SLC25A26: variants seen among roughly 807,000 people sequenced by gnomAD.
SLC25A26 encodes solute carrier family 25 member 26, also known as mitochondrial S-adenosylmethionine carrier protein.
SLC25A26 carries 36 observed loss-of-function variants against 37.8 expected under a neutral mutation model. The ratio of observed to expected loss-of-function variants is 0.95; its 90% CI spans 0.73 to 1.26. The LOEUF (loss-of-function observed/expected upper bound fraction) is 1.26. SLC25A26 is among the 50% of genes most tolerant of loss of function. SLC25A26 has a pLI of 0.00. For missense variants in SLC25A26, 390 were observed against 331.1 expected, an observed-to-expected ratio of 1.18 and a Z score of -1.38; for synonymous variants, 129 against 122.5, an observed-to-expected ratio of 1.05 and a Z score of -0.35.
chr3:66,190,366 G>A (rs2070915845), intron 1 of SLC25A26, among the ~76,000 whole-genome samples: 1 of 151,970 alleles, frequency 6.6e-6, no homozygotes, highest in African/African-American at 2.4e-5. Flanking sequence ...AGAAAAATGT[G>A]TAGTTCTTAT....
At chr3:66,206,705 CT>C (rs1315135962) in intron 1 of SLC25A26, among the ~76,000 whole-genome samples, 10,866 of 132,768 alleles carry the variant, frequency 0.082, 511 homozygotes, top group Non-Finnish European at 0.12. Flanking sequence ...CTTACAGGTT[CT>C]TTTTTTTTTT....
intron 5 of SLC25A26, among the ~76,000 whole-genome samples, chr3:66,300,251 G>GTTTTTTTTTTTTTTTTTTTTT: frequency 9.0e-6 from 1 of 111,616 alleles, no homozygotes; most frequent in Non-Finnish European, 1.9e-5. Context: ...GGGTTTTTTT[G>GTTTTTTTTTTTTTTTTTTTTT]TTTTGTTTTT....
In SLC25A26 at chr3:66,158,967, G is replaced by A. The variant is rs565110484; in HGVS notation, c.-354+24983G>A. 1.6e-4 allele frequency among the ~76,000 whole-genome samples: 24 copies of A among 152,184 alleles called. No homozygotes were observed. In the East Asian group the frequency reaches 4.7e-3, roughly 30 times the overall value. ...CCCCATACTGTGGGACAGCATGCAG[G>A]GGGAGGTGCTGAGGGACATCAGCAC... is the stretch of plus-strand genomic sequence containing the variant. On this transcript the variant is annotated intron_variant, in intron 1 of 10. Transcript: ENST00000676754.
intron 1 of SLC25A26, among the ~76,000 whole-genome samples, chr3:66,147,904 G>A (rs546437415): frequency 8.5e-5 from 13 of 152,194 alleles, no homozygotes; most frequent in East Asian, 1.9e-4. Flanking sequence ...GATTACAGGC[G>A]TGTACCACCA....
At chr3:66,208,736 T>TTATATGGGTATATATATATACACATG in intron 1 of SLC25A26, among the ~76,000 whole-genome samples, 1 of 143,916 alleles carries the variant, frequency 6.9e-6, no homozygotes, top group Non-Finnish European at 1.5e-5. Context: ...ATATACACAT[T>TTATATGGGTATATATATATACACATG]TATATGGGTG....
At chr3:66,353,706 G>C (rs924406312) in intron 6 of SLC25A26, among the ~76,000 whole-genome samples, 1 of 152,206 alleles carries the variant, frequency 6.6e-6, no homozygotes, top group Non-Finnish European at 1.5e-5. Flanking sequence ...CCCAGTATCC[G>C]TTGAATCTGC....
At chr3:66,327,081 C>G (rs1313523526) in intron 5 of SLC25A26, among the ~76,000 whole-genome samples, 2 of 152,182 alleles carry the variant, frequency 1.3e-5, no homozygotes, top group Non-Finnish European at 2.9e-5. Flanking sequence ...AATAGAATGA[C>G]TTCTGCTCTT....
At chr3:66,166,841 A>G (rs2106722992) in intron 1 of SLC25A26, among the ~76,000 whole-genome samples, 1 of 152,282 alleles carries the variant, frequency 6.6e-6, no homozygotes, top group East Asian at 1.9e-4. Context: ...CCCAAAACTC[A>G]TCTTGAATGG....
intron 1 of SLC25A26, among the ~76,000 whole-genome samples, chr3:66,208,054 T>C (rs2071203833): frequency 2.0e-5 from 3 of 152,208 alleles, no homozygotes; most frequent in Non-Finnish European, 1.5e-5. Flanking sequence ...CTTTATATAG[T>C]TAAATTGCTA....
chr3:66,143,164 TA>T (rs538090656), intron 1 of SLC25A26, among the ~76,000 whole-genome samples: 308 of 143,896 alleles, frequency 2.1e-3, no homozygotes, highest in South Asian at 7.2e-3. Context: ...GGCTGAATAA[TA>T]AAAAAAAAAA....
Position 66,304,039 on chromosome 3 carries a change from ATC to A in SLC25A26, c.453+40665_453+40666del, listed in dbSNP as rs1559677620. 3.3e-5 allele frequency among the ~76,000 whole-genome samples: 5 copies of A among 152,320 alleles called. No homozygotes were observed. In the South Asian group the frequency reaches 1.0e-3, roughly 32 times the overall value. ...TTATTTCTTCAGAGCCAGCAGGAGAATCTCTCACACTTCAGATCTTGTTAGGA... is the reference window on the plus strand; with the variant it reads ...TTATTTCTTCAGAGCCAGCAGGAGAATCTCACACTTCAGATCTTGTTAGGA... On this transcript the variant is annotated intron_variant, in intron 5 of 9. Transcript: ENST00000354883.
At chr3:66,310,459 A>G (rs2107599406) in intron 5 of SLC25A26, among the ~76,000 whole-genome samples, 1 of 152,282 alleles carries the variant, frequency 6.6e-6, no homozygotes, top group African/African-American at 2.4e-5. Flanking sequence ...CCAATTTGCC[A>G]GTCTGTTTCT....
At chr3:66,248,312 C>T (rs1053824626) in intron 3 of SLC25A26, among the ~76,000 whole-genome samples, 4 of 152,140 alleles carry the variant, frequency 2.6e-5, no homozygotes, top group African/African-American at 9.7e-5. Flanking sequence ...AAGAGGGGTC[C>T]TGCTTGTGCC....
chr3:66,175,126 TATATATATATATATACACACAC>T (rs1431120632), intron 1 of SLC25A26, among the ~76,000 whole-genome samples: 4 of 92,048 alleles, frequency 4.3e-5, no homozygotes, highest in Non-Finnish European at 9.2e-5. Flanking sequence ...TATATATATA[TATATATATATATATACACACAC>T]ACACACACAC....
chr3:66,261,245 G>A (rs985747426), intron 3 of SLC25A26, among the ~76,000 whole-genome samples: 14 of 152,204 alleles, frequency 9.2e-5, no homozygotes, highest in Admixed American at 2.0e-4. Flanking sequence ...TCATTAAAAT[G>A]TTTAAAATAT....
At chr3:66,220,939 T>A, upstream of SLC25A26, 2 of 783,052 alleles carry the variant, frequency 2.6e-6, no homozygotes, top group Non-Finnish European at 4.2e-6. Flanking sequence ...TAGGCCCAGG[T>A]GTCTCGCGTT....
chr3:66,339,459 C>G (rs2076159999), intron 5 of SLC25A26, among the ~76,000 whole-genome samples: 1 of 152,000 alleles, frequency 6.6e-6, no homozygotes, highest in Non-Finnish European at 1.5e-5. Flanking sequence ...ATACTGTTTT[C>G]AAGTGACTGC....
intron 6 of SLC25A26, among the ~76,000 whole-genome samples, chr3:66,361,332 G>C (rs1214351869): frequency 6.6e-6 from 1 of 152,182 alleles, no homozygotes; most frequent in Non-Finnish European, 1.5e-5. Flanking sequence ...TTGTGACTTT[G>C]AGTTAGGCAA....
At chr3:66,272,623 A>C (rs990210261) in intron 5 of SLC25A26, among the ~76,000 whole-genome samples, 5 of 152,050 alleles carry the variant, frequency 3.3e-5, no homozygotes, top group Non-Finnish European at 7.4e-5. Flanking sequence ...ACCTCCTGTG[A>C]TCACTCCAGC....
Sources: allele counts gnomAD v4.1 joint callset (sites outside exome capture counted in the v4.1 genomes callset), GRCh38; gene constraint gnomAD v4.1.1; transcripts MANE v1.5; gene names NCBI Gene and HGNC (gene_info 2026-07-23, HGNC 2026-07-21).